Variants in SRC observed in about 807,000 individuals in gnomAD.
The protein encoded by SRC is SRC proto-oncogene, non-receptor tyrosine kinase.
SRC carries 13 observed loss-of-function variants against 62.9 expected under a neutral mutation model. The observed-to-expected ratio is 0.21, with a 90% CI of 0.13 to 0.33. The LOEUF (loss-of-function observed/expected upper bound fraction) is 0.33, where lower values mean the gene tolerates loss of function less well. Ranked by LOEUF, SRC falls within the 10% of genes least tolerant of loss-of-function variation. The pLI is 1.00. For missense variants in SRC, 457 were observed against 737.3 expected (o/e 0.62, Z 4.40); for synonymous variants, 302 against 317.5 (o/e 0.95, Z 0.52).
rs769839016 is a variant in SRC, at chr20:37,373,017, TATATATACAC to T, written c.-173+7756_-173+7765del. On this transcript the variant is annotated intron_variant, in intron 2 of 13. Transcript: ENST00000373578. ...TTCATTATCTTTTCCCCTTTATGCA[TATATATACAC>T]ATATATACACATATACACATATATA... 2.8e-3 allele frequency among the ~76,000 whole-genome samples: 427 copies of T among 152,118 alleles called. 4 individuals are homozygous for T. The highest frequency in any genetic ancestry group is 9.8e-3 in the African/African-American group (407 of 41,514).
intron 2 of SRC, among the ~76,000 whole-genome samples, chr20:37,379,656 G>A (rs1243514239): frequency 2.0e-5 from 3 of 149,916 alleles, no homozygotes; most frequent in East Asian, 2.0e-4. Flanking sequence ...CCTGGGAGGC[G>A]AAGGGTGCAG....
In SRC at chr20:37,403,997, ACC is replaced by A; in HGVS notation, c.*619_*620del. The A allele has an allele frequency of 4.3e-6, 1 of 235,024 alleles. No homozygotes were observed. 14.6% of individuals were successfully genotyped at this position (235,024 alleles called of 1,614,324 possible). On this transcript the variant is annotated 3_prime_UTR_variant, in exon 14 of 14. Coordinates refer to ENST00000373578, the MANE Select transcript of SRC (RefSeq NM_198291.3). The surrounding 1 kb of genome is among the most constrained non-coding windows in gnomAD (Gnocchi z 7.1). ...CCCCCTCAAACCCTGCCCTCCTTAG[ACC>A]TGAGGGACCCTTCGAGATCATCACT...
intron 1 of SRC, among the ~76,000 whole-genome samples, chr20:37,362,423 G>A (rs925772242): frequency 6.6e-6 from 1 of 152,248 alleles, no homozygotes; most frequent in Middle Eastern, 3.4e-3. Flanking sequence ...CAGCAGGCTG[G>A]GCCCCAAGGT....
chr20:37,393,781 T>C (rs1367229169), intron 5 of SRC, 114 bp from the exon 6 acceptor site: 6 of 750,422 alleles, frequency 8.0e-6, no homozygotes, highest in Non-Finnish European at 1.3e-5. Context: ...ACCACCTCCC[T>C]GGGCCTCCCT....
chr20:37,378,551 C>T (rs1568631393), intron 2 of SRC, among the ~76,000 whole-genome samples: 1 of 152,210 alleles, frequency 6.6e-6, no homozygotes. Context: ...GCCTTCTTTT[C>T]ACTGAAACAG....
chr20:37,402,615 C>A lies in SRC; in HGVS notation c.1270+27C>A. 1 of 1,596,980 alleles carries A rather than the reference C, an allele frequency of 6.3e-7. No homozygotes were observed. The highest frequency in any genetic ancestry group is 8.5e-7 in the Non-Finnish European group (1 of 1,169,646). Reference sequence around the variant, plus strand: ...TGGGCAGGGGCTGTGTGGTATGTCGCGCTTGGCCTGGGACAGGTCACGTCC... The same window carrying A: ...TGGGCAGGGGCTGTGTGGTATGTCGAGCTTGGCCTGGGACAGGTCACGTCC... On this transcript the variant is annotated intron_variant, in intron 12 of 13. Transcript: ENST00000373578. This position sits in a 1 kb window ranked among gnomAD's most constrained non-coding sequence, Gnocchi z 6.2.
chr20:37,392,494 G>A (rs893109890), intron 5 of SRC, among the ~76,000 whole-genome samples: 71 of 152,220 alleles, frequency 4.7e-4, no homozygotes, highest in Admixed American at 3.3e-4. Flanking sequence ...CTGGCGGTGG[G>A]TGGGGGCCAC....
Position 37,397,610 on chromosome 20 carries a change from C to T in SRC, c.704-89C>T. ...CTGCGTGTCCCCTGAAATCTGTGTG[C>T]ATCTGGCATGTAGGGCGACACACAC... is the stretch of plus-strand genomic sequence containing the variant. On this transcript the variant is annotated intron_variant, in intron 8 of 13. Coordinates refer to ENST00000373578, the MANE Select transcript of SRC (RefSeq NM_198291.3). This position sits in a 1 kb window ranked among gnomAD's most constrained non-coding sequence, Gnocchi z 4.1. 1.4e-6 allele frequency: 2 copies of T among 1,433,754 alleles called. No individual in the cohort carries two copies. The highest frequency in any genetic ancestry group is 1.8e-6 in the Non-Finnish European group (2 of 1,089,088). 88.8% of individuals were successfully genotyped at this position (1,433,754 alleles called of 1,614,324 possible).
At chr20:37,362,361 G>A (rs983833648) in intron 1 of SRC, among the ~76,000 whole-genome samples, 1 of 152,072 alleles carries the variant, frequency 6.6e-6, no homozygotes, top group Non-Finnish European at 1.5e-5. Flanking sequence ...GCTCCTGGCC[G>A]CACAGTGATT....
Position 37,397,969 on chromosome 20 carries a change from T to C in SRC, c.859+115T>C. On this transcript the variant is annotated intron_variant, in intron 9 of 13. Coordinates refer to ENST00000373578, the MANE Select transcript of SRC (RefSeq NM_198291.3). This position sits in a 1 kb window ranked among gnomAD's most constrained non-coding sequence, Gnocchi z 4.1. ...GCCTCTGCTGGATGACGGGGCCCTG[T>C]TGTAAATCTGGAGCTCCCCAGCGGT... is the stretch of plus-strand genomic sequence containing the variant. The C allele has an allele frequency of 7.5e-7, 1 of 1,333,010 alleles. No homozygotes were observed. Among genetic ancestry groups the C allele is most frequent in the South Asian group, 1.5e-5 (1 of 68,122 alleles). 82.6% of individuals were successfully genotyped at this position (1,333,010 alleles called of 1,614,324 possible). A position where few individuals can be genotyped will look rare whatever the true frequency, so the allele number is the denominator to read the frequency against.
intron 2 of SRC, among the ~76,000 whole-genome samples, chr20:37,365,759 T>G (rs2070053981): frequency 6.6e-6 from 1 of 152,116 alleles, no homozygotes. Flanking sequence ...AGTTATTTAT[T>G]TTTTTGTAGA....
chr20:37,375,502 T>TATTG (rs961862797), intron 2 of SRC, among the ~76,000 whole-genome samples: 87 of 152,234 alleles, frequency 5.7e-4, no homozygotes, highest in African/African-American at 2.0e-3. Flanking sequence ...CCTCACAAGG[T>TATTG]ATTGGGATTA....
At position 37,384,686 on chromosome 20, in the gene SRC, C is replaced by CG. The variant is rs201057447; in HGVS notation, c.250+286dup. Among the ~76,000 whole-genome samples, 151,930 of 151,970 alleles carry CG rather than the reference C, an allele frequency of 1. 75,945 individuals carry two copies. Among genetic ancestry groups the CG allele is most frequent in the Middle Eastern group, 1 (286 of 286 alleles). The stretch of plus-strand genomic sequence containing the variant: ...AAGCCCAAGAAGAAGAAGGGCGGCG[C>CG]GGGACCGGGCCTGTTGCTGCCTTGG... On this transcript the variant is annotated intron_variant, in intron 4 of 13. Coordinates refer to ENST00000373578, the MANE Select transcript of SRC (RefSeq NM_198291.3). This position sits in a 1 kb window ranked among gnomAD's most constrained non-coding sequence, Gnocchi z 6.7.
In SRC at chr20:37,364,406, G is replaced by A. The variant is rs1217654497; in HGVS notation, c.-246-798G>A. ...CACCCAGGAGCACCGTGATGGTGAC[G>A]CCGTAGCTGTTGTTATCCTCTGAGG... On this transcript the variant is annotated intron_variant, in intron 1 of 13. Coordinates refer to ENST00000373578, the MANE Select transcript of SRC (RefSeq NM_198291.3). Among the ~76,000 whole-genome samples the A allele has an allele frequency of 3.3e-5, 5 of 152,160 alleles. No individual in the cohort carries two copies. In the South Asian group the frequency reaches 8.3e-4, roughly 25 times the overall value.
chr20:37,350,540 TC>T (rs1221618149), intron 1 of SRC, among the ~76,000 whole-genome samples: 1 of 152,164 alleles, frequency 6.6e-6, no homozygotes, highest in East Asian at 1.9e-4. Flanking sequence ...AGTAGAGGCC[TC>T]CCCTGTGTTC....
intron 1 of SRC, among the ~76,000 whole-genome samples, chr20:37,357,501 C>G (rs1297377962): frequency 6.6e-6 from 1 of 152,180 alleles, no homozygotes; most frequent in Non-Finnish European, 1.5e-5. Flanking sequence ...CCACTGGTAC[C>G]CAAGCATCCC....
At chr20:37,369,659 G>A (rs2070130260) in intron 2 of SRC, among the ~76,000 whole-genome samples, 1 of 152,072 alleles carries the variant, frequency 6.6e-6, no homozygotes, top group Non-Finnish European at 1.5e-5. Context: ...CGGGCTAGAA[G>A]CTCCAGTACA....
intron 5 of SRC, 190 bp from the exon 6 acceptor site, chr20:37,393,705 C>T (rs1011210170): frequency 2.6e-5 from 15 of 573,372 alleles, no homozygotes; most frequent in African/African-American, 1.7e-4. Context: ...AAGGCGTCTG[C>T]GCCAGGGAGG....
At chr20:37,370,372 C>T (rs908302882) in intron 2 of SRC, among the ~76,000 whole-genome samples, 5 of 152,160 alleles carry the variant, frequency 3.3e-5, no homozygotes, top group Admixed American at 1.3e-4. Context: ...GTCAGGAGTT[C>T]GAAACCAGCC....
Sources: gnomAD v4.1 joint callset for allele counts (sites outside exome capture counted in the v4.1 genomes callset) on GRCh38, gnomAD v4.1.1 for gene constraint, Gnocchi (gnomAD v3.1) non-coding constraint, MANE v1.5 for transcripts, NCBI Gene and HGNC (gene_info 2026-07-23, HGNC 2026-07-21) for gene names.